TNIK: variants seen among roughly 807,000 people sequenced by gnomAD.
The protein encoded by TNIK is TRAF2 and NCK interacting kinase.
TNIK carries 49 observed loss-of-function variants against 191.3 expected under a neutral mutation model. That is an observed-to-expected ratio of 0.26 (90% CI 0.20 to 0.32). The LOEUF (loss-of-function observed/expected upper bound fraction) is 0.32, where lower values mean the gene tolerates loss of function less well. Among genes scored for constraint, TNIK ranks in the 10% least tolerant of loss-of-function variants. TNIK has a pLI of 1.00. For missense variants in TNIK, 1,155 were observed against 1,702.3 expected (o/e 0.68, Z 5.66); for synonymous variants, 594 against 600.9 (o/e 0.99, Z 0.17).
intron 3 of TNIK, among the ~76,000 whole-genome samples, chr3:171,214,503 C>T (rs570946923): frequency 3.0e-4 from 46 of 152,304 alleles, no homozygotes; most frequent in Middle Eastern, 3.4e-3. Context: ...TCACAGGCTA[C>T]GAGAATTTGA....
intron 2 of TNIK, among the ~76,000 whole-genome samples, chr3:171,304,340 C>G (rs1753187440): frequency 6.6e-6 from 1 of 152,012 alleles, no homozygotes; most frequent in South Asian, 2.1e-4. Context: ...GAATGGCGAT[C>G]ATTAAAAAGT....
chr3:171,102,862 AAAT>A lies in TNIK; in HGVS notation c.2407-1232_2407-1230del, dbSNP rs1169564175. 1.3e-5 allele frequency among the ~76,000 whole-genome samples: 2 copies of A among 152,224 alleles called. 1 individual carries two copies. The highest frequency in any genetic ancestry group is 2.9e-5 in the Non-Finnish European group (2 of 68,030). ...AATCGGTTAAAAGAAAAGCTGTGAT[AAAT>A]GTGTATAGTTAAATTATAATTTTAT... On this transcript the variant is annotated intron_variant, in intron 21 of 32. Transcript: ENST00000436636.
intron 19 of TNIK, among the ~76,000 whole-genome samples, chr3:171,110,103 TC>T (rs1441299927): frequency 6.6e-6 from 1 of 152,122 alleles, no homozygotes; most frequent in Admixed American, 6.5e-5. Context: ...ATGGGGTTTC[TC>T]CATGTTAGTC....
At chr3:171,215,095 G>A (rs1034827435) in intron 3 of TNIK, among the ~76,000 whole-genome samples, 2 of 152,076 alleles carry the variant, frequency 1.3e-5, no homozygotes, top group African/African-American at 4.8e-5. Flanking sequence ...GCAGAGGCCC[G>A]AAAAGCACTT....
At chr3:171,090,990 A>G (rs918949472) in intron 23 of TNIK, among the ~76,000 whole-genome samples, 1 of 152,124 alleles carries the variant, frequency 6.6e-6, no homozygotes, top group Non-Finnish European at 1.5e-5. Flanking sequence ...TTTTTATTTT[A>G]TGTTCTTATT....
At chr3:171,199,537 G>A (rs962846254) in intron 4 of TNIK, among the ~76,000 whole-genome samples, 4 of 152,218 alleles carry the variant, frequency 2.6e-5, no homozygotes, top group East Asian at 1.9e-4. Context: ...CAAATGCTTC[G>A]TTAATTCTTC....
intron 10 of TNIK, among the ~76,000 whole-genome samples, chr3:171,166,211 G>T (rs962252310): frequency 5.3e-5 from 8 of 152,138 alleles, no homozygotes; most frequent in African/African-American, 1.9e-4. Flanking sequence ...GAAATTACTG[G>T]TTTCAAAATT....
In TNIK at chr3:171,356,533, G is replaced by A. The variant is rs114980565; in HGVS notation, c.123+13087C>T. Reference sequence around the variant, plus strand: ...ATATATTGAAACAGGCTATGGCATCGCTGCTCTATAGTATAAATTCAGACT... The same window carrying A: ...ATATATTGAAACAGGCTATGGCATCACTGCTCTATAGTATAAATTCAGACT... On this transcript the variant is annotated intron_variant, in intron 2 of 32. Transcript: ENST00000436636. 3.4e-3 allele frequency among the ~76,000 whole-genome samples: 523 copies of A among 152,218 alleles called. 5 individuals are homozygous for A. Among genetic ancestry groups the A allele is most frequent in the African/African-American group, 0.012 (493 of 41,532 alleles).
chr3:171,235,716 A>AAC (rs1356889049), intron 2 of TNIK, among the ~76,000 whole-genome samples: 2 of 151,962 alleles, frequency 1.3e-5, no homozygotes, highest in Non-Finnish European at 2.9e-5. Context: ...TTTAAAAGTT[A>AAC]ACAACCATAT....
intron 2 of TNIK, among the ~76,000 whole-genome samples, chr3:171,329,288 T>C (rs1224772177): frequency 6.6e-6 from 1 of 152,234 alleles, no homozygotes; most frequent in Non-Finnish European, 1.5e-5. Context: ...GTAAGTATTT[T>C]TCATTGTCTC....
intron 12 of TNIK, among the ~76,000 whole-genome samples, chr3:171,148,581 A>G (rs549142667): frequency 1.3e-5 from 2 of 152,312 alleles, no homozygotes; most frequent in South Asian, 2.1e-4. Context: ...ACTGAGTCCT[A>G]TGAAGACAAG....
chr3:171,122,814 A>ATGTCCT (rs1327811096), intron 18 of TNIK, among the ~76,000 whole-genome samples: 1 of 152,196 alleles, frequency 6.6e-6, no homozygotes, highest in Non-Finnish European at 1.5e-5. Context: ...CTAAAAAGTG[A>ATGTCCT]TGTATTCATC....
intron 2 of TNIK, among the ~76,000 whole-genome samples, chr3:171,283,337 G>A (rs1270792120): frequency 6.6e-6 from 1 of 151,358 alleles, no homozygotes; most frequent in African/African-American, 2.4e-5. Flanking sequence ...TTTCTCTTTT[G>A]ATGGGGGATG....
intron 2 of TNIK, among the ~76,000 whole-genome samples, chr3:171,355,323 G>A (rs1429835943): frequency 6.6e-6 from 1 of 152,140 alleles, no homozygotes; most frequent in Non-Finnish European, 1.5e-5. Flanking sequence ...TCTGTGATAG[G>A]TTTCTTGAGG....
intron 2 of TNIK, among the ~76,000 whole-genome samples, chr3:171,341,132 A>G (rs1179675747): frequency 6.6e-6 from 1 of 152,196 alleles, no homozygotes; most frequent in African/African-American, 2.4e-5. Flanking sequence ...TTTTGTTAGT[A>G]TAGTACAAGT....
chr3:171,267,683 G>A (rs1460842182), intron 2 of TNIK, among the ~76,000 whole-genome samples: 3 of 152,158 alleles, frequency 2.0e-5, no homozygotes, highest in South Asian at 2.1e-4. Context: ...CATGAGCAAA[G>A]GACTGGCAAT....
At chr3:171,064,120 G>A in intron 32 of TNIK, 156 bp from the exon 33 acceptor site, 1 of 638,836 alleles carries the variant, frequency 1.6e-6, no homozygotes, top group East Asian at 2.9e-5. Flanking sequence ...TGGATATCGT[G>A]CATCCTATGT....
At chr3:171,409,411 A>G (rs1430139469) in intron 1 of TNIK, among the ~76,000 whole-genome samples, 1 of 152,176 alleles carries the variant, frequency 6.6e-6, no homozygotes, top group Non-Finnish European at 1.5e-5. Flanking sequence ...TCAGTCTACC[A>G]CTGACCACTA....
At chr3:171,456,605 A>G (rs1298516510) in intron 1 of TNIK, among the ~76,000 whole-genome samples, 2 of 152,188 alleles carry the variant, frequency 1.3e-5, no homozygotes, top group Non-Finnish European at 2.9e-5. Context: ...CAGGACAACC[A>G]TGTGTCCTAG....
Sources: allele counts gnomAD v4.1 joint callset (sites outside exome capture counted in the v4.1 genomes callset), GRCh38; gene constraint gnomAD v4.1.1; transcripts MANE v1.5; gene names NCBI Gene and HGNC (gene_info 2026-07-23, HGNC 2026-07-21).